Variants in CEP112 observed in about 807,000 individuals in gnomAD.
CEP112 encodes the protein centrosomal protein 112, also known as centrosomal protein of 112 kDa.
Under a neutral mutation model 153.0 loss-of-function variants are expected in CEP112, and 127 were observed. The observed-to-expected ratio is 0.83, with a 90% CI of 0.72 to 0.96. The LOEUF (loss-of-function observed/expected upper bound fraction) is 0.96, where lower values mean the gene tolerates loss of function less well. CEP112 is among the 40% of genes least tolerant of loss of function. The pLI is 0.00. For missense variants in CEP112, 1,089 were observed against 1,101.2 expected, an observed-to-expected ratio of 0.99 and a Z score of 0.16; for synonymous variants, 358 against 374.4, an observed-to-expected ratio of 0.96 and a Z score of 0.51.
intron 4 of CEP112, among the ~76,000 whole-genome samples, chr17:66,159,964 AC>A (rs2071625380): frequency 1.3e-5 from 2 of 152,300 alleles, no homozygotes; most frequent in South Asian, 4.1e-4. Flanking sequence ...CGCAAAAACT[AC>A]TTAAGGTGAT....
Position 66,125,562 on chromosome 17 carries a change from GA to G in CEP112, c.642+4183del, listed in dbSNP as rs201314556. ...AAATGGGCAGGTTTCTAACCTACAT[GA>G]AAAAAAAAGCATGAAATTGCCTAAA... On this transcript the variant is annotated intron_variant, in intron 6 of 26. Transcript: ENST00000535342. 1.7e-3 allele frequency among the ~76,000 whole-genome samples: 251 copies of G among 150,228 alleles called. 2 individuals carry two copies. The highest frequency in any genetic ancestry group is 2.7e-3 in the Non-Finnish European group (184 of 67,464).
intron 6 of CEP112, among the ~76,000 whole-genome samples, chr17:66,106,837 CA>C (rs1568496520): frequency 6.6e-6 from 1 of 151,494 alleles, no homozygotes; most frequent in Non-Finnish European, 1.5e-5. Context: ...AAAGACACAC[CA>C]AAAAAAGAAA....
At chr17:65,953,349 C>CAGCT (rs2061899078) in intron 18 of CEP112, among the ~76,000 whole-genome samples, 2 of 152,212 alleles carry the variant, frequency 1.3e-5, no homozygotes, top group Non-Finnish European at 2.9e-5. Context: ...GACTAGCTTG[C>CAGCT]AGCTCCTCTC....
chr17:66,102,930 G>T (rs1250985003), intron 6 of CEP112, among the ~76,000 whole-genome samples: 1 of 150,354 alleles, frequency 6.7e-6, no homozygotes, highest in African/African-American at 2.4e-5. Context: ...AAAACTACAA[G>T]TATGAAAAAC....
chr17:65,986,019 G>A (rs2063394466), intron 17 of CEP112, among the ~76,000 whole-genome samples: 2 of 152,038 alleles, frequency 1.3e-5, no homozygotes, highest in Admixed American at 1.3e-4. Context: ...CAACTGTAAA[G>A]AGAATTGAAG....
In CEP112 at chr17:65,893,213, C is replaced by A. The variant is rs145779722; in HGVS notation, c.2163+8939G>T. 3.2e-3 allele frequency among the ~76,000 whole-genome samples: 490 copies of A among 152,156 alleles called. 2 individuals are homozygous for A. The highest frequency in any genetic ancestry group is 0.011 in the African/African-American group (469 of 41,524). ...TAGTGCAGCATTACAACTGTCCCTA[C>A]AAACAAGGGAAGAGACCTAGATCCA... On this transcript the variant is annotated intron_variant, in intron 20 of 26. Transcript: ENST00000535342.
intron 21 of CEP112, among the ~76,000 whole-genome samples, chr17:65,828,313 T>C (rs2056928148): frequency 6.6e-6 from 1 of 152,232 alleles, no homozygotes; most frequent in African/African-American, 2.4e-5. Flanking sequence ...GACTGTTTTC[T>C]CCAGTAAAAT....
At chr17:66,085,690 T>C (rs2067895450) in intron 8 of CEP112, among the ~76,000 whole-genome samples, 2 of 151,982 alleles carry the variant, frequency 1.3e-5, no homozygotes, top group Admixed American at 1.3e-4. Flanking sequence ...CAAAAAGCAA[T>C]GAAATGGGCT....
intron 21 of CEP112, among the ~76,000 whole-genome samples, chr17:65,762,081 G>T (rs1034513145): frequency 1.3e-4 from 20 of 151,808 alleles, no homozygotes; most frequent in African/African-American, 2.9e-4. Context: ...TTCGTTTTTG[G>T]TTTTTTTGCC....
At chr17:65,896,387 GA>G (rs1452857308) in intron 20 of CEP112, among the ~76,000 whole-genome samples, 1 of 151,904 alleles carries the variant, frequency 6.6e-6, no homozygotes, top group Non-Finnish European at 1.5e-5. Context: ...CCTTCAGGAT[GA>G]AAACAATTAC....
At chr17:65,692,912 A>G (rs1241141228) in intron 23 of CEP112, among the ~76,000 whole-genome samples, 2 of 152,152 alleles carry the variant, frequency 1.3e-5, no homozygotes, top group African/African-American at 4.8e-5. Flanking sequence ...ATTTACTTCA[A>G]TCATCAGGGC....
intron 8 of CEP112, among the ~76,000 whole-genome samples, chr17:66,095,076 A>T (rs943235098): frequency 7.9e-5 from 12 of 152,182 alleles, no homozygotes; most frequent in African/African-American, 2.9e-4. Context: ...GCCATTATAG[A>T]AAAACAGTAC....
At chr17:65,891,296 T>C (rs1239583840) in intron 20 of CEP112, among the ~76,000 whole-genome samples, 1 of 152,188 alleles carries the variant, frequency 6.6e-6, no homozygotes, top group Non-Finnish European at 1.5e-5. Flanking sequence ...GGGCCCATGC[T>C]TTAATTATTA....
chr17:66,142,571 C>CT (rs767378487), intron 4 of CEP112, among the ~76,000 whole-genome samples: 2 of 152,042 alleles, frequency 1.3e-5, no homozygotes, highest in Non-Finnish European at 2.9e-5. Context: ...TGCTTGTGGA[C>CT]TTCCGGTTTT....
chr17:66,038,032 T>C (rs2065808533), intron 12 of CEP112, among the ~76,000 whole-genome samples: 1 of 144,192 alleles, frequency 6.9e-6, no homozygotes, highest in Admixed American at 7.1e-5. Flanking sequence ...CAACAGGGAG[T>C]CGGAGGTTGC....
chr17:65,978,884 A>T (rs543494521), intron 17 of CEP112, among the ~76,000 whole-genome samples: 20 of 152,332 alleles, frequency 1.3e-4, no homozygotes, highest in Admixed American at 3.9e-4. Context: ...TTAAAGCAGT[A>T]TGTTTTTGTG....
chr17:65,664,461 C>T (rs1276162520), intron 24 of CEP112, among the ~76,000 whole-genome samples: 4 of 152,170 alleles, frequency 2.6e-5, no homozygotes, highest in Non-Finnish European at 2.9e-5. Flanking sequence ...AGGGGAATAA[C>T]ATGATGACAA....
At chr17:66,058,283 G>A (rs948903246) in intron 11 of CEP112, among the ~76,000 whole-genome samples, 1 of 152,000 alleles carries the variant, frequency 6.6e-6, no homozygotes, top group Non-Finnish European at 1.5e-5. Context: ...TCAGACAAAG[G>A]AAAGCAGGGG....
intron 23 of CEP112, among the ~76,000 whole-genome samples, chr17:65,716,264 C>T (rs966245232): frequency 1.3e-5 from 2 of 152,090 alleles, no homozygotes; most frequent in African/African-American, 4.8e-5. Context: ...TCAAGCAATT[C>T]TTTTGCCTCA....
Sources: gnomAD v4.1 joint callset for allele counts (sites outside exome capture counted in the v4.1 genomes callset) on GRCh38, gnomAD v4.1.1 for gene constraint, MANE v1.5 for transcripts, NCBI Gene and HGNC (gene_info 2026-07-23, HGNC 2026-07-21) for gene names.